ARHGEF18: variants seen among roughly 807,000 people sequenced by gnomAD.
ARHGEF18 encodes the protein Rho/Rac guanine nucleotide exchange factor 18.
A neutral mutation model predicts 155.7 loss-of-function variants in ARHGEF18; 93 were observed. That is an observed-to-expected ratio of 0.60 (90% CI 0.50 to 0.71). ARHGEF18 has a LOEUF of 0.71. ARHGEF18 is among the 30% of genes least tolerant of loss of function. ARHGEF18 has a pLI of 0.00. For missense variants in ARHGEF18, 1,593 were observed against 1,816.1 expected (o/e 0.88, Z 2.23); for synonymous variants, 742 against 753.1 (o/e 0.99, Z 0.24).
chr19:7,434,244 C>T (rs946674974), intron 10 of ARHGEF18, among the ~76,000 whole-genome samples: 7 of 152,054 alleles, frequency 4.6e-5, no homozygotes, highest in African/African-American at 1.4e-4. Flanking sequence ...CCACCTCAGC[C>T]TCCCGAAGTG....
intron 1 of ARHGEF18, among the ~76,000 whole-genome samples, chr19:7,352,832 CTTTTTTTTTT>C (rs587602037): frequency 0.043 from 2,140 of 49,954 alleles, 122 homozygotes; most frequent in African/African-American, 0.15. Flanking sequence ...CGTGCCTGGC[CTTTTTTTTTT>C]TTTTTTTTTT....
intron 10 of ARHGEF18, among the ~76,000 whole-genome samples, chr19:7,416,899 G>A (rs1310888409): frequency 4.0e-5 from 6 of 151,520 alleles, no homozygotes; most frequent in East Asian, 1.9e-4. Flanking sequence ...CACCATGCCC[G>A]GCTGTTTTTG....
chr19:7,431,670 C>T (rs1568328205), intron 10 of ARHGEF18, among the ~76,000 whole-genome samples: 2 of 151,976 alleles, frequency 1.3e-5, no homozygotes, highest in Non-Finnish European at 2.9e-5. Flanking sequence ...ACAAAATTAG[C>T]GGGCGTGGCG....
At chr19:7,355,068 TCACACACACACACACA>T (rs60457716) in intron 1 of ARHGEF18, among the ~76,000 whole-genome samples, 59,399 of 146,376 alleles carry the variant, frequency 0.41, 13,561 homozygotes, top group Middle Eastern at 0.59. Flanking sequence ...CCAATGGGCT[TCACACACACACACACA>T]CACACACACA....
In ARHGEF18 at chr19:7,379,235, G is replaced by GACAAAAGCAGGA. The variant is rs1970609583; in HGVS notation, c.644+69_644+70insACAAAAGCAGGA. On this transcript the variant is annotated intron_variant, in intron 7 of 28. Coordinates refer to ENST00000668164, the MANE Select transcript of ARHGEF18 (RefSeq NM_001367823.1). ...ACAAAAGCAGGAAGCATGCAGGGGT[G>GACAAAAGCAGGA]TGCACAGGTGTAGGAGACAGGGGTA... 4.2e-6 allele frequency: 5 copies of GACAAAAGCAGGA among 1,203,142 alleles called. No individual in the cohort carries two copies. In the Admixed American group the frequency reaches 2.1e-4, roughly 51 times the overall value. 74.5% of individuals were successfully genotyped at this position (1,203,142 alleles called of 1,614,324 possible).
At chr19:7,431,047 G>A (rs572081526) in intron 10 of ARHGEF18, among the ~76,000 whole-genome samples, 121 of 152,170 alleles carry the variant, frequency 8.0e-4, no homozygotes, top group African/African-American at 2.7e-3. Flanking sequence ...CCAGCTATTC[G>A]GGAGGCTGAG....
intron 10 of ARHGEF18, among the ~76,000 whole-genome samples, chr19:7,403,489 C>T (rs527938005): frequency 2.0e-5 from 3 of 151,758 alleles, no homozygotes; most frequent in Admixed American, 1.3e-4. Flanking sequence ...CTTAGCATAA[C>T]GATTGCAAGG....
chr19:7,457,830 C>T (rs541151729), intron 18 of ARHGEF18, among the ~76,000 whole-genome samples: 2 of 152,178 alleles, frequency 1.3e-5, no homozygotes, highest in South Asian at 4.1e-4. Context: ...GGATGCGTGA[C>T]AGACTAGAAA....
chr19:7,412,297 G>A (rs982505060), intron 10 of ARHGEF18, among the ~76,000 whole-genome samples: 30 of 142,092 alleles, frequency 2.1e-4, no homozygotes, highest in Admixed American at 2.1e-3. Flanking sequence ...TTAGAGGCGT[G>A]AGCCACCGCG....
At chr19:7,477,407 A>T, downstream of ARHGEF18, 1 of 1,500,690 alleles carries the variant, frequency 6.7e-7, no homozygotes, top group East Asian at 2.5e-5. Context: ...CTGCGCCTCC[A>T]TGGCCCTCCG....
At position 7,463,955 on chromosome 19, in the gene ARHGEF18, A is replaced by C. The variant is rs774142542; in HGVS notation, c.2773A>C (p.Asn925His). 14 of 1,584,158 alleles carry C rather than the reference A, an allele frequency of 8.8e-6. No homozygotes were observed. The highest frequency in any genetic ancestry group is 1.2e-5 in the Non-Finnish European group (14 of 1,165,366). Reference protein sequence around the residue: ...GYDCTNSPTKNGSFKKKVSST... With the variant: ...GYDCTNSPTKHGSFKKKVSST... ...CGACTGCACAAACAGCCCCACCAAGAGTAAGAGCGGGGCCGTCTCCCCTCC... is the reference window on the plus strand; with the variant it reads ...CGACTGCACAAACAGCCCCACCAAGCGTAAGAGCGGGGCCGTCTCCCCTCC... The change falls in exon 22 of 29, where the codon AAT becomes CAT. Residue 925 changes from asparagine (N) to histidine (H), a missense_variant and splice_region_variant. Asn to His is a moderately conservative substitution (Grantham distance 68). Coordinates refer to ENST00000668164, the MANE Select transcript of ARHGEF18 (RefSeq NM_001367823.1). This position sits in a 1 kb window ranked among gnomAD's most constrained non-coding sequence, Gnocchi z 5.2.
At chr19:7,356,737 T>C (rs1158224559) in intron 1 of ARHGEF18, among the ~76,000 whole-genome samples, 1 of 152,144 alleles carries the variant, frequency 6.6e-6, no homozygotes, top group East Asian at 1.9e-4. Context: ...CCACTGCCCA[T>C]ATGAGCGCCT....
chr19:7,440,259 C>T lies in ARHGEF18; in HGVS notation c.968-85C>T. ...CAAGATCCTGTCTGTGCTGCGGCCG[C>T]AGTCGGAGCGGGGCTTCCGCGCCGG... is the stretch of plus-strand genomic sequence containing the variant. On this transcript the variant is annotated intron_variant, in intron 10 of 28. Transcript: ENST00000668164. This position sits in a 1 kb window ranked among gnomAD's most constrained non-coding sequence, Gnocchi z 5.4. 1 of 1,555,988 alleles carries T rather than the reference C, an allele frequency of 6.4e-7. No individual in the cohort carries two copies. The highest frequency in any genetic ancestry group is 8.7e-7 in the Non-Finnish European group (1 of 1,149,568).
chr19:7,467,079 G>A lies in ARHGEF18; in HGVS notation c.2970G>A (p.Gln990=), dbSNP rs752649414. 5.0e-6 allele frequency: 8 copies of A among 1,609,084 alleles called. No individual in the cohort carries two copies. The South Asian group carries it at 8.8e-5, about 18-fold the overall frequency. The change falls in exon 25 of 29, where the codon CAG becomes CAA. Residue 990 remains glutamine (Q), a synonymous_variant. Coordinates refer to ENST00000668164, the MANE Select transcript of ARHGEF18 (RefSeq NM_001367823.1). The part of the protein sequence containing the change: ...LPTVLESELV[Q]RIQTLSQLLL... ...CCCTCTCCTCTCCGCAGCTTGTCCA[G>A]CGGATCCAGACACTGTCCCAGCTGC...
chr19:7,406,511 T>C (rs1369218205), intron 10 of ARHGEF18, among the ~76,000 whole-genome samples: 1 of 152,192 alleles, frequency 6.6e-6, no homozygotes, highest in Non-Finnish European at 1.5e-5. Context: ...CTCCATATAA[T>C]CTTTTCCTTC....
intron 10 of ARHGEF18, among the ~76,000 whole-genome samples, chr19:7,414,736 G>T (rs916198975): frequency 3.9e-5 from 6 of 151,960 alleles, no homozygotes; most frequent in African/African-American, 1.5e-4. Context: ...TTGAACCCGG[G>T]AGGTGGAGGT....
intron 10 of ARHGEF18, among the ~76,000 whole-genome samples, chr19:7,438,030 C>T (rs1974375752): frequency 8.2e-6 from 1 of 122,610 alleles, no homozygotes. Context: ...CTTCCCTTCC[C>T]CTCTCCTCTT....
At chr19:7,448,408 T>C (rs985891757) in intron 15 of ARHGEF18, among the ~76,000 whole-genome samples, 2 of 152,082 alleles carry the variant, frequency 1.3e-5, no homozygotes, top group Non-Finnish European at 2.9e-5. Flanking sequence ...ATGCCTGTAA[T>C]CCCAGCATTT....
intron 1 of ARHGEF18, among the ~76,000 whole-genome samples, chr19:7,354,345 C>T (rs1013209467): frequency 6.6e-6 from 1 of 151,806 alleles, no homozygotes; most frequent in Admixed American, 6.6e-5. Context: ...CAGGCTCATG[C>T]CTGTTATCCC....
Sources: allele counts gnomAD v4.1 joint callset (sites outside exome capture counted in the v4.1 genomes callset), GRCh38; gene constraint gnomAD v4.1.1; non-coding constraint Gnocchi (gnomAD v3.1); transcripts MANE v1.5; gene names NCBI Gene and HGNC (gene_info 2026-07-23, HGNC 2026-07-21).